RIMS2: variants seen among roughly 807,000 people sequenced by gnomAD.
RIMS2 encodes regulating synaptic membrane exocytosis protein 2.
RIMS2 carries 59 observed loss-of-function variants against 174.4 expected under a neutral mutation model. The observed-to-expected ratio is 0.34, with a 90% CI of 0.27 to 0.42. The LOEUF (loss-of-function observed/expected upper bound fraction) is 0.42, where lower values mean the gene tolerates loss of function less well. Among genes scored for constraint, RIMS2 ranks in the 10% least tolerant of loss-of-function variants. The pLI is 1.00. For missense variants in RIMS2, 1,620 were observed against 1,666.3 expected (o/e 0.97, Z 0.48); for synonymous variants, 606 against 572.5 (o/e 1.06, Z -0.84).
chr8:104,240,211 A>G (rs2139790354), intron 19 of RIMS2, among the ~76,000 whole-genome samples: 1 of 152,362 alleles, frequency 6.6e-6, no homozygotes. Context: ...TCAACTGATT[A>G]GTATCCTTAA....
chr8:103,982,059 TGAA>T (rs1404342880), intron 16 of RIMS2, among the ~76,000 whole-genome samples: 1 of 151,898 alleles, frequency 6.6e-6, no homozygotes, highest in Non-Finnish European at 1.5e-5. Context: ...AAATCAGGGA[TGAA>T]TAAGGACACA....
chr8:104,067,052 C>A (rs1332769400), intron 19 of RIMS2, among the ~76,000 whole-genome samples: 1 of 152,094 alleles, frequency 6.6e-6, no homozygotes, highest in Non-Finnish European at 1.5e-5. Flanking sequence ...GAAGGGGATA[C>A]CATAACTTCT....
chr8:104,249,666 A>G (rs1157919086), intron 22 of RIMS2, 78 bp downstream of exon 28: 4 of 807,990 alleles, frequency 5.0e-6, no homozygotes, highest in Non-Finnish European at 8.3e-6. Flanking sequence ...ATTGGTTTAG[A>G]CCTTTGATTT....
chr8:103,676,550 T>C (rs2136528368), intron 1 of RIMS2, among the ~76,000 whole-genome samples: 1 of 151,262 alleles, frequency 6.6e-6, no homozygotes, highest in South Asian at 2.1e-4. Context: ...CTCAGTTAGT[T>C]GCTTAAGCTT....
intron 19 of RIMS2, among the ~76,000 whole-genome samples, chr8:104,018,262 G>A (rs2095983492): frequency 6.6e-6 from 1 of 152,170 alleles, no homozygotes; most frequent in African/African-American, 2.4e-5. Flanking sequence ...AAAGCAGGGA[G>A]AAGAGGTCAA....
At chr8:103,752,192 AT>A (rs2097902094) in intron 2 of RIMS2, among the ~76,000 whole-genome samples, 1 of 152,108 alleles carries the variant, frequency 6.6e-6, no homozygotes, top group African/African-American at 2.4e-5. Context: ...TCCCAGCACC[AT>A]TTATTAAATA....
chr8:103,628,965 A>G (rs2095850577), intron 1 of RIMS2, among the ~76,000 whole-genome samples: 1 of 152,130 alleles, frequency 6.6e-6, no homozygotes, highest in Non-Finnish European at 1.5e-5. Context: ...ACAGCCTGAA[A>G]AACAAAGCAG....
At chr8:103,546,110 C>A (rs1844948392) in intron 1 of RIMS2, among the ~76,000 whole-genome samples, 1 of 152,078 alleles carries the variant, frequency 6.6e-6, no homozygotes. Flanking sequence ...GAAACAAGAC[C>A]CAATTGTATG....
chr8:103,876,532 T>C (rs2099137982), intron 3 of RIMS2, among the ~76,000 whole-genome samples: 1 of 151,488 alleles, frequency 6.6e-6, no homozygotes, highest in Non-Finnish European at 1.5e-5. Context: ...TTGTGAGATT[T>C]TGGTGCACCC....
chr8:103,868,413 A>AT (rs576605028), intron 3 of RIMS2, among the ~76,000 whole-genome samples: 3 of 151,688 alleles, frequency 2.0e-5, no homozygotes, highest in Non-Finnish European at 4.4e-5. Context: ...TACTCTCTGG[A>AT]TTTTTTCCTT....
intron 2 of RIMS2, among the ~76,000 whole-genome samples, chr8:103,764,771 G>A (rs2098150197): frequency 6.6e-6 from 1 of 151,972 alleles, no homozygotes; most frequent in South Asian, 2.1e-4. Context: ...TCCCCCAGAA[G>A]AATTTTAAAC....
intron 1 of RIMS2, among the ~76,000 whole-genome samples, chr8:103,543,750 G>T (rs1018243277): frequency 6.6e-6 from 1 of 152,132 alleles, no homozygotes; most frequent in African/African-American, 2.4e-5. Flanking sequence ...TGGGCAAAGG[G>T]CAATCTCTTC....
At chr8:103,979,758 A>G (rs2093737345) in intron 16 of RIMS2, among the ~76,000 whole-genome samples, 1 of 152,176 alleles carries the variant, frequency 6.6e-6, no homozygotes, top group Non-Finnish European at 1.5e-5. Context: ...TTCAACATGG[A>G]GAGTCTGTGC....
intron 1 of RIMS2, among the ~76,000 whole-genome samples, chr8:103,600,780 T>A (rs1245683047): frequency 6.6e-6 from 1 of 152,216 alleles, no homozygotes. Context: ...GAAACTGTTC[T>A]CCATAGTGGT....
rs1332820830 is a variant in RIMS2, at chr8:103,909,320, T to C, written c.1625-814T>C. Among the ~76,000 whole-genome samples, 5 of 151,966 alleles carry C rather than the reference T, an allele frequency of 3.3e-5. No individual in the cohort carries two copies. The South Asian group carries it at 1.0e-3, about 31-fold the overall frequency. On this transcript the variant is annotated intron_variant, in intron 4 of 23. Transcript: ENST00000504942. ...TAGACTAAAAAATTTAAGATAAAAA[T>C]ATTTTATATTTTGAAATACTGAGCA...
At chr8:103,864,704 T>C (rs931540665) in intron 3 of RIMS2, among the ~76,000 whole-genome samples, 1 of 152,196 alleles carries the variant, frequency 6.6e-6, no homozygotes, top group Non-Finnish European at 1.5e-5. Flanking sequence ...ATTGTATTAA[T>C]TATTCTTAAG....
At chr8:104,137,650 CT>C (rs902846313) in intron 19 of RIMS2, among the ~76,000 whole-genome samples, 28 of 152,204 alleles carry the variant, frequency 1.8e-4, no homozygotes, top group African/African-American at 6.5e-4. Context: ...TAGCTTTATT[CT>C]TGACATCCTC....
intron 1 of RIMS2, among the ~76,000 whole-genome samples, chr8:103,548,046 G>A (rs10093336): frequency 0.18 from 27,836 of 151,936 alleles, 2,799 homozygotes; most frequent in African/African-American, 0.26. Context: ...AAAAGCCCAG[G>A]AGCAGATGAA....
chr8:103,580,944 C>T (rs1426739401), intron 1 of RIMS2, among the ~76,000 whole-genome samples: 1 of 149,788 alleles, frequency 6.7e-6, no homozygotes, highest in East Asian at 2.0e-4. Context: ...ATTCTCCTGC[C>T]TCAGCCTCCC....
Sources: gnomAD v4.1 joint callset for allele counts (sites outside exome capture counted in the v4.1 genomes callset) on GRCh38, gnomAD v4.1.1 for gene constraint, MANE v1.5 for transcripts, NCBI Gene and HGNC (gene_info 2026-07-23, HGNC 2026-07-21) for gene names.